The following ARHGEF11 variants were observed in gnomAD, a reference collection of about 807,000 sequenced individuals.
The protein encoded by ARHGEF11 is Rho guanine exchange factor (GEF) 11.
ARHGEF11 carries 55 observed loss-of-function variants against 193.7 expected under a neutral mutation model. The observed-to-expected ratio is 0.28, with a 90% CI of 0.23 to 0.36. The LOEUF is 0.36. Among genes scored for constraint, ARHGEF11 ranks in the 10% least tolerant of loss-of-function variants. The pLI is 1.00. For missense variants in ARHGEF11, 1,723 were observed against 2,005.6 expected, an observed-to-expected ratio of 0.86 and a Z score of 2.69; for synonymous variants, 693 against 768.0, an observed-to-expected ratio of 0.90 and a Z score of 1.62.
chr1:157,015,305 A>G (rs936730437), intron 1 of ARHGEF11, among the ~76,000 whole-genome samples: 1 of 152,200 alleles, frequency 6.6e-6, no homozygotes, highest in African/African-American at 2.4e-5. Flanking sequence ...TGATTTGGGT[A>G]AGGTGCTTAA....
At chr1:157,041,074 G>A (rs1672684637) in intron 1 of ARHGEF11, among the ~76,000 whole-genome samples, 4 of 152,266 alleles carry the variant, frequency 2.6e-5, no homozygotes, top group African/African-American at 9.6e-5. Flanking sequence ...ATCCTCACAT[G>A]AACTAACTTT....
chr1:157,018,440 G>T (rs1358011407), intron 1 of ARHGEF11, among the ~76,000 whole-genome samples: 2 of 152,062 alleles, frequency 1.3e-5, no homozygotes, highest in Non-Finnish European at 2.9e-5. Context: ...TCAGGAGATT[G>T]AGACCATCCT....
At chr1:157,042,407 C>A (rs1051510598) in intron 1 of ARHGEF11, among the ~76,000 whole-genome samples, 3 of 152,106 alleles carry the variant, frequency 2.0e-5, no homozygotes, top group Admixed American at 6.5e-5. Context: ...CCTAGTTAGA[C>A]ATGATGGGGC....
chr1:156,985,568 C>T (rs1213256637), intron 2 of ARHGEF11, among the ~76,000 whole-genome samples: 2 of 152,036 alleles, frequency 1.3e-5, no homozygotes, highest in African/African-American at 4.8e-5. Context: ...GGACTACAGG[C>T]ACGCACCACC....
intron 21 of ARHGEF11, among the ~76,000 whole-genome samples, chr1:156,952,638 A>AAT (rs1659290454): frequency 6.6e-6 from 1 of 152,246 alleles, no homozygotes; most frequent in African/African-American, 2.4e-5. Flanking sequence ...TCTGTCTCAA[A>AAT]ATCTGACTTT....
At position 156,939,918 on chromosome 1, in the gene ARHGEF11, G is replaced by A. The variant is rs1246564162; in HGVS notation, c.3734-8C>T. 1 of 1,599,764 alleles carries A rather than the reference G, an allele frequency of 6.3e-7. No individual in the cohort carries two copies. The highest frequency in any genetic ancestry group is 1.7e-5 in the Admixed American group (1 of 59,222). The stretch of plus-strand genomic sequence containing the variant: ...GATGTCGCAGGTTCTCCACTGGAGG[G>A]GAAACAGGGTGATGTCTTCCCAGCA... On this transcript the variant is annotated splice_region_variant and splice_polypyrimidine_tract_variant and intron_variant, in intron 36 of 40. Coordinates refer to ENST00000368194, the MANE Select transcript of ARHGEF11 (RefSeq NM_198236.3).
At chr1:156,988,759 A>G (rs1322032117) in intron 1 of ARHGEF11, among the ~76,000 whole-genome samples, 1 of 152,178 alleles carries the variant, frequency 6.6e-6, no homozygotes, top group Non-Finnish European at 1.5e-5. Flanking sequence ...TATGTGGGGG[A>G]CAAGGAGATG....
intron 27 of ARHGEF11, 40 bp downstream of exon 27, chr1:156,946,896 A>T: frequency 6.2e-7 from 1 of 1,613,394 alleles, no homozygotes; most frequent in Non-Finnish European, 8.5e-7. Flanking sequence ...TGCCTCCCCC[A>T]ATCTCCTCCT....
At chr1:156,981,934 TCAAAA>T (rs1010119152) in intron 3 of ARHGEF11, among the ~76,000 whole-genome samples, 1 of 152,178 alleles carries the variant, frequency 6.6e-6, no homozygotes, top group African/African-American at 2.4e-5. Flanking sequence ...ATTCCTCTGA[TCAAAA>T]CAAAACTCCC....
intron 1 of ARHGEF11, among the ~76,000 whole-genome samples, chr1:157,000,576 A>C (rs1312614888): frequency 6.6e-6 from 1 of 152,232 alleles, no homozygotes; most frequent in Non-Finnish European, 1.5e-5. Context: ...TACTTTCTTA[A>C]GGTGGATTTT....
At chr1:156,964,089 G>C (rs1661367732) in intron 11 of ARHGEF11, among the ~76,000 whole-genome samples, 1 of 152,162 alleles carries the variant, frequency 6.6e-6, no homozygotes, top group African/African-American at 2.4e-5. Flanking sequence ...GAGCCTACTA[G>C]TAGATCTCTG....
chr1:156,975,437 A>G (rs1042920788), intron 7 of ARHGEF11, among the ~76,000 whole-genome samples: 2 of 152,172 alleles, frequency 1.3e-5, no homozygotes, highest in African/African-American at 4.8e-5. Flanking sequence ...AGTCCTTTAT[A>G]TATTCTGGCA....
chr1:156,940,318 A>C lies in ARHGEF11; in HGVS notation c.3622T>G (p.Ser1208Ala). The change falls in exon 36 of 41, where the codon TCC becomes GCC. Residue 1208 changes from serine (S) to alanine (A), a missense_variant. Ser to Ala is a moderately conservative substitution (Grantham distance 99). Around this residue, in one of 5 missense-constraint regions of ARHGEF11, gnomAD observed 203 missense variants for 237.3 expected, o/e 0.86. Coordinates refer to ENST00000368194, the MANE Select transcript of ARHGEF11 (RefSeq NM_198236.3). ...EEELGVLPCP[S>A]TSLDGENRGI... ...CTGTTCTCTCCATCCAGGGATGTGG[A>C]AGGGCAAGGCAGGACACCCAGTTCC... is the stretch of plus-strand genomic sequence containing the variant. 6.2e-7 allele frequency: 1 copy of C among 1,613,822 alleles called. No individual in the cohort carries two copies. The highest frequency in any genetic ancestry group is 8.5e-7 in the Non-Finnish European group (1 of 1,179,836).
Position 156,948,292 on chromosome 1 carries a change from G to A in ARHGEF11, c.2105+27C>T. 6.2e-7 allele frequency: 1 copy of A among 1,611,192 alleles called. No homozygotes were observed. The highest frequency in any genetic ancestry group is 1.1e-5 in the South Asian group (1 of 91,024). On this transcript the variant is annotated intron_variant, in intron 23 of 40. Transcript: ENST00000368194. This position sits in a 1 kb window ranked among gnomAD's most constrained non-coding sequence, Gnocchi z 4.2. ...TTGCCGCCACCCCTGAGATGTCCATGGGTGCAGCCGTTGTAGCCCTGCCCA... is the reference window on the plus strand; with the variant it reads ...TTGCCGCCACCCCTGAGATGTCCATAGGTGCAGCCGTTGTAGCCCTGCCCA...
At chr1:156,957,679 T>C (rs1660161972) in intron 18 of ARHGEF11, 113 bp downstream of exon 18, 2 of 1,196,484 alleles carry the variant, frequency 1.7e-6, no homozygotes, top group East Asian at 4.7e-5. Context: ...CGGTCCTTCA[T>C]GGTTGTACAA....
At chr1:156,997,874 C>G (rs1415643781) in intron 1 of ARHGEF11, among the ~76,000 whole-genome samples, 2 of 151,224 alleles carry the variant, frequency 1.3e-5, no homozygotes, top group African/African-American at 4.9e-5. Flanking sequence ...ACTATGGCTA[C>G]TAGAAAATGT....
Position 156,945,021 on chromosome 1 carries a change from T to C in ARHGEF11, c.2989A>G (p.Lys997Glu). The part of the protein sequence containing the change: ...RASNPLAAEF[K>E]SLDLTTRKMI... ...CTGCTGCAGCCTCTGCCTCCTACCT[T>C]GAACTCTGCTGCCAGGGGGTTGCTG... Residue 997 changes from lysine to glutamate, a missense_variant and splice_region_variant, in exon 30 of 41, where the codon AAG becomes GAG. Physicochemically the swap from Lys to Glu is moderately conservative, Grantham distance 56. This residue lies in a region of ARHGEF11 where 491 missense variants were observed against 654.5 expected (regional missense o/e 0.75). Coordinates refer to ENST00000368194, the MANE Select transcript of ARHGEF11 (RefSeq NM_198236.3). The C allele has an allele frequency of 6.2e-7, 1 of 1,613,568 alleles. No homozygotes were observed. Among genetic ancestry groups the C allele is most frequent in the Non-Finnish European group, 8.5e-7 (1 of 1,179,938 alleles).
rs5778015 is a variant in ARHGEF11 at position 156,944,448 on chromosome 1, C to CCATTCATT, written c.2992-23_2992-16dup. 3.6e-4 allele frequency: 547 copies of CCATTCATT among 1,504,680 alleles called. 1 individual carries two copies. Among genetic ancestry groups the CCATTCATT allele is most frequent in the Middle Eastern group, 7.0e-4 (4 of 5,730 alleles). 93.2% of individuals were successfully genotyped at this position (1,504,680 alleles called of 1,614,324 possible). A position where few individuals can be genotyped will look rare whatever the true frequency, so the allele number is the denominator to read the frequency against. Reference sequence around the variant, plus strand: ...AGATCCAGGCTCTGTTAAGGAGACACCATTCATTCATTCATTCATTCATTC... The same window carrying CCATTCATT: ...AGATCCAGGCTCTGTTAAGGAGACACCATTCATTCATTCATTCATTCATTCATTCATTC... On this transcript the variant is annotated splice_polypyrimidine_tract_variant and intron_variant, in intron 30 of 40. Coordinates refer to ENST00000368194, the MANE Select transcript of ARHGEF11 (RefSeq NM_198236.3).
chr1:157,046,686 A>C (rs1345452020), upstream of ARHGEF11, among the ~76,000 whole-genome samples: 2 of 151,926 alleles, frequency 1.3e-5, no homozygotes, highest in African/African-American at 4.8e-5. Flanking sequence ...TATTTTCATA[A>C]CCCCCTCTCA....
Sources: allele counts gnomAD v4.1 joint callset (sites outside exome capture counted in the v4.1 genomes callset), GRCh38; gene constraint gnomAD v4.1.1; regional missense constraint gnomAD v4.1.1; non-coding constraint Gnocchi (gnomAD v3.1); transcripts MANE v1.5; gene names NCBI Gene and HGNC (gene_info 2026-07-23, HGNC 2026-07-21).